CRLF2: variants seen among roughly 807,000 people sequenced by gnomAD.
CRLF2 encodes cytokine receptor like factor 2.
A neutral mutation model predicts 38.7 loss-of-function variants in CRLF2; 41 were observed. That is an observed-to-expected ratio of 1.06 (90% CI 0.83 to 1.37). The LOEUF is 1.37. Ranked by LOEUF, CRLF2 falls within the 40% of genes most tolerant of loss-of-function variation. The probability of loss-of-function intolerance (pLI) is 0.00; values close to 1 mark genes in which losing one functional copy is unlikely to be tolerated. For missense variants in CRLF2, 377 were observed against 322.2 expected (o/e 1.17, Z -1.30); for synonymous variants, 140 against 128.8 (o/e 1.09, Z -0.59).
intron 3 of CRLF2, among the ~76,000 whole-genome samples, chrX:1,204,112 T>G: frequency 1.6e-5 from 1 of 62,756 alleles, no homozygotes; most frequent in Admixed American, 1.9e-4. Flanking sequence ...GAACATCCAG[T>G]GAGTGGGATG....
rs782280523 is a variant in CRLF2, at chrX:1,203,095, C to CA, written c.350-561dup. 3.0e-3 allele frequency among the ~76,000 whole-genome samples: 201 copies of CA among 66,926 alleles called. 9 individuals are homozygous for CA. The highest frequency in any genetic ancestry group is 4.2e-3 in the African/African-American group (64 of 15,318). The allele number at this position is 66,926 out of a possible 152,430, so 43.9% of individuals were successfully genotyped here. On this transcript the variant is annotated intron_variant, in intron 3 of 7. Transcript: ENST00000400841. ...CCTGGGTGACAGAGCGAGACTATCT[C>CA]AAAAAAAAAAAAAAAAAAAAAAAAA...
intron 1 of CRLF2, among the ~76,000 whole-genome samples, chrX:1,209,931 G>A (rs2086765337): frequency 6.6e-6 from 1 of 151,424 alleles, no homozygotes; most frequent in Non-Finnish European, 1.5e-5. Context: ...GTGAAACCCC[G>A]TCTCTACTAA....
At chrX:1,203,741 G>C in intron 3 of CRLF2, among the ~76,000 whole-genome samples, 1 of 152,246 alleles carries the variant, frequency 6.6e-6, no homozygotes, top group South Asian at 2.1e-4. Flanking sequence ...CTCCATCTCA[G>C]ACTCATGGGC....
chrX:1,211,698 TTGG>T (rs1419634388), intron 1 of CRLF2, among the ~76,000 whole-genome samples: 1 of 115,350 alleles, frequency 8.7e-6, no homozygotes, highest in Non-Finnish European at 1.7e-5. Context: ...GATGGATGTA[TTGG>T]TGGATGGATG....
At chrX:1,202,625 C>A in intron 3 of CRLF2, 90 bp from the exon 4 acceptor site, 2 of 1,455,092 alleles carry the variant, frequency 1.4e-6, no homozygotes, top group South Asian at 1.2e-5. Flanking sequence ...GCCTGTACCC[C>A]TCCTCCCCTT....
intron 3 of CRLF2, among the ~76,000 whole-genome samples, chrX:1,204,794 C>T (rs12844045): frequency 0.85 from 127,782 of 149,814 alleles, 54,669 homozygotes; most frequent in East Asian, 0.95. Context: ...CCCAAAGTAC[C>T]GGGATTACAG....
chrX:1,212,523 A>T, intron 1 of CRLF2, 33 bp downstream of exon 1: 1 of 1,553,972 alleles, frequency 6.4e-7, no homozygotes, highest in South Asian at 1.1e-5. Context: ...CACAAACCAA[A>T]ATACAACAAG....
At chrX:1,209,834 C>T (rs1407650386) in intron 1 of CRLF2, among the ~76,000 whole-genome samples, 2 of 151,782 alleles carry the variant, frequency 1.3e-5, no homozygotes, top group Non-Finnish European at 2.9e-5. Flanking sequence ...CCAGGTGCAG[C>T]GGCTCACGTC....
chrX:1,193,781 CAAA>C (rs1176813644), intron 6 of CRLF2, among the ~76,000 whole-genome samples: 5,427 of 58,926 alleles, frequency 0.092, 154 homozygotes, highest in Middle Eastern at 0.11. Context: ...GACTCCATCT[CAAA>C]AAAAAAAAAA....
chrX:1,195,815 TTA>T (rs1211827524), intron 6 of CRLF2, among the ~76,000 whole-genome samples: 995 of 62,030 alleles, frequency 0.016, 13 homozygotes, highest in African/African-American at 0.05. Context: ...ATATATTAAA[TTA>T]TATATATTAT....
intron 7 of CRLF2, among the ~76,000 whole-genome samples, chrX:1,192,836 CAG>C (rs2086417473): frequency 7.0e-6 from 1 of 143,230 alleles, no homozygotes; most frequent in African/African-American, 2.6e-5. Context: ...TTTTTCTTGA[CAG>C]AGTCTCACTC....
chrX:1,205,314 T>A (rs2086672982), intron 3 of CRLF2, among the ~76,000 whole-genome samples: 1 of 152,176 alleles, frequency 6.6e-6, no homozygotes, highest in African/African-American at 2.4e-5. Context: ...TTTTCAGAAC[T>A]TAACTGAAAG....
intron 7 of CRLF2, among the ~76,000 whole-genome samples, chrX:1,192,097 T>A (rs1482094643): frequency 2.9e-5 from 4 of 139,674 alleles, no homozygotes; most frequent in Middle Eastern, 4.0e-3. Flanking sequence ...CCCAGCTACT[T>A]GGGAGGCTGA....
At chrX:1,208,515 C>T (rs747643737) in intron 2 of CRLF2, among the ~76,000 whole-genome samples, 6 of 152,114 alleles carry the variant, frequency 3.9e-5, no homozygotes, top group Non-Finnish European at 5.9e-5. Flanking sequence ...GCCGAGATTG[C>T]GCCACTGCAC....
At chrX:1,194,226 A>G (rs1406670726) in intron 6 of CRLF2, among the ~76,000 whole-genome samples, 110,946 of 150,712 alleles carry the variant, frequency 0.74, 40,996 homozygotes, top group East Asian at 0.83. Context: ...GGAGGCGGAG[A>G]CTGCAGTGAT....
intron 5 of CRLF2, among the ~76,000 whole-genome samples, chrX:1,198,148 C>T (rs113591669): frequency 0.018 from 2,446 of 134,838 alleles, 44 homozygotes; most frequent in African/African-American, 0.055. Flanking sequence ...CACCCTCCCT[C>T]CCACCTCGAA....
chrX:1,195,691 C>T (rs1407773429), intron 6 of CRLF2, among the ~76,000 whole-genome samples: 1 of 149,160 alleles, frequency 6.7e-6, no homozygotes, highest in Non-Finnish European at 1.5e-5. Flanking sequence ...GGTTCTCCTG[C>T]CTCAGCCTCC....
intron 6 of CRLF2, among the ~76,000 whole-genome samples, chrX:1,196,392 T>A (rs2086475810): frequency 1.3e-5 from 2 of 152,108 alleles, no homozygotes; most frequent in South Asian, 4.1e-4. Context: ...TTCACCATGT[T>A]GGCCAGGATG....
chrX:1,212,437 A>G (rs1427814479), intron 1 of CRLF2, 119 bp downstream of exon 1: 19 of 486,130 alleles, frequency 3.9e-5, no homozygotes, highest in African/African-American at 3.4e-4. Context: ...AAAAAAAAAA[A>G]AGAAAAGAAG....
Sources: gnomAD v4.1 joint callset for allele counts (sites outside exome capture counted in the v4.1 genomes callset) on GRCh38, gnomAD v4.1.1 for gene constraint, MANE v1.5 for transcripts, NCBI Gene and HGNC (gene_info 2026-07-23, HGNC 2026-07-21) for gene names.